OLFM4: variants seen among roughly 807,000 people sequenced by gnomAD.
OLFM4 encodes olfactomedin-4.
A neutral mutation model predicts 25.5 loss-of-function variants in OLFM4; 22 were observed. The observed-to-expected ratio is 0.86, with a 90% CI of 0.62 to 1.23. OLFM4 has a LOEUF of 1.23. OLFM4 is among the 50% of genes most tolerant of loss of function. OLFM4 has a pLI of 0.00. For missense variants in OLFM4, 594 were observed against 619.4 expected (o/e 0.96, Z 0.44); for synonymous variants, 255 against 237.7 (o/e 1.07, Z -0.67).
intron 4 of OLFM4, among the ~76,000 whole-genome samples, chr13:53,047,101 A>T (rs1236338863): frequency 2.0e-5 from 3 of 152,252 alleles, no homozygotes; most frequent in African/African-American, 7.2e-5. Flanking sequence ...TCCACCAGAA[A>T]ATGCAAAATG....
At chr13:53,041,442 A>G (rs943894812) in intron 2 of OLFM4, among the ~76,000 whole-genome samples, 1 of 152,178 alleles carries the variant, frequency 6.6e-6, no homozygotes, top group African/African-American at 2.4e-5. Flanking sequence ...ATGGACACAA[A>G]GAGGAGAACA....
chr13:53,034,281 GTCAC>G (rs1954645424), intron 1 of OLFM4, 63 bp from the exon 2 acceptor site: 20 of 1,543,464 alleles, frequency 1.3e-5, no homozygotes, highest in Non-Finnish European at 1.7e-5. Context: ...GCCAATTTCT[GTCAC>G]TCCAGTTGCC....
rs577080718 is a variant in OLFM4 at position 53,042,005 on chromosome 13, C to A, written c.453C>A (p.Tyr151Ter). The A allele has an allele frequency of 3.1e-6, 5 of 1,613,726 alleles. No individual in the cohort carries two copies. Among genetic ancestry groups the A allele is most frequent in the Non-Finnish European group, 4.2e-6 (5 of 1,179,828 alleles). The change falls in exon 3 of 5, where the codon TAC (tyrosine) becomes TAA (stop). Residue 151 changes from tyrosine to a stop codon, truncating the protein, a stop_gained. Coordinates refer to ENST00000219022, the MANE Select transcript of OLFM4 (RefSeq NM_006418.5). LOFTEE classifies it high-confidence loss of function. ...TCATGGAGAAGGATACCATTTCTTA[C>A]ACTGAACTGGACTTCGAGCTGATCA... Reference protein sequence around the residue: ...IDIMEKDTISYTELDFELIKV... With the variant: ...IDIMEKDTIS
Position 53,050,940 on chromosome 13 carries a change from T to C in OLFM4, c.*169T>C. The C allele has an allele frequency of 1.6e-6, 1 of 610,356 alleles. No homozygotes were observed. The highest frequency in any genetic ancestry group is 2.7e-6 in the Non-Finnish European group (1 of 365,594). The allele number at this position is 610,356 out of a possible 1,614,324, so 37.8% of individuals were successfully genotyped here. ...AGGACATTTGTCTTGATTTGGTGAG[T>C]TCTCTTGGGAATCATCTGCCTCTTC... is the stretch of plus-strand genomic sequence containing the variant. On this transcript the variant is annotated 3_prime_UTR_variant, in exon 5 of 5. Transcript: ENST00000219022.
chr13:53,041,610 C>T (rs139059955), intron 2 of OLFM4, among the ~76,000 whole-genome samples: 1,915 of 152,200 alleles, frequency 0.013, 26 homozygotes, highest in Non-Finnish European at 0.015. Flanking sequence ...GGTATATACC[C>T]CTGAGCCTAA....
At position 53,050,142 on chromosome 13, in the gene OLFM4, T is replaced by A; in HGVS notation, c.904T>A (p.Tyr302Asn). The change falls in exon 5 of 5, where the codon TAT (tyrosine) becomes AAT (asparagine). Residue 302 changes from tyrosine to asparagine, a missense_variant. By Grantham distance (143) the Tyr-to-Asn change is moderately radical. Coordinates refer to ENST00000219022, the MANE Select transcript of OLFM4 (RefSeq NM_006418.5). ...PLNTDGRLLE[Y>N]YRLYNTLDDL... is the part of the protein sequence containing the mutation. Reference sequence around the variant, plus strand: ...GAATACAGATGGGAGACTGTTGGAGTATTATAGACTGTACAACACACTGGA... The same window carrying A: ...GAATACAGATGGGAGACTGTTGGAGAATTATAGACTGTACAACACACTGGA... The A allele has an allele frequency of 1.2e-6, 2 of 1,613,840 alleles. No individual in the cohort carries two copies. Among genetic ancestry groups the A allele is most frequent in the South Asian group, 1.1e-5 (1 of 91,066 alleles).
intron 4 of OLFM4, among the ~76,000 whole-genome samples, chr13:53,044,847 A>C (rs1485739872): frequency 6.6e-6 from 1 of 152,304 alleles, no homozygotes; most frequent in South Asian, 2.1e-4. Flanking sequence ...GGCTGAAGCA[A>C]TGACAACTCC....
chr13:53,029,427 T>C (rs1409077545), intron 1 of OLFM4, among the ~76,000 whole-genome samples: 2 of 152,184 alleles, frequency 1.3e-5, no homozygotes, highest in African/African-American at 4.8e-5. Flanking sequence ...GATTCTAATA[T>C]ATAGTCCAAG....
Position 53,050,864 on chromosome 13 carries a change from G to A in OLFM4, c.*93G>A. ...TATCTGCAGGGGTGTCTAAAAGTGTGTTCATTTTGCAGCAATGTTTAGGTG... is the reference window on the plus strand; with the variant it reads ...TATCTGCAGGGGTGTCTAAAAGTGTATTCATTTTGCAGCAATGTTTAGGTG... On this transcript the variant is annotated 3_prime_UTR_variant, in exon 5 of 5. Transcript: ENST00000219022. 8.9e-7 allele frequency: 1 copy of A among 1,118,356 alleles called. No homozygotes were observed. The highest frequency in any genetic ancestry group is 1.3e-6 in the Non-Finnish European group (1 of 792,846). The allele number at this position is 1,118,356 out of a possible 1,614,324, so 69.3% of individuals were successfully genotyped here. A position where few individuals can be genotyped will look rare whatever the true frequency, so the allele number is the denominator to read the frequency against.
chr13:53,040,040 A>G (rs749732050), intron 2 of OLFM4, among the ~76,000 whole-genome samples: 2 of 152,238 alleles, frequency 1.3e-5, no homozygotes, highest in Non-Finnish European at 2.9e-5. Context: ...ACTGTGGATC[A>G]GCTACTTGAT....
At position 53,051,322 on chromosome 13, in the gene OLFM4, A is replaced by G. The variant is rs1206509569; in HGVS notation, c.*551A>G. 1 of 152,330 alleles carries G rather than the reference A, an allele frequency of 6.6e-6. No homozygotes were observed. Among genetic ancestry groups the G allele is most frequent in the Non-Finnish European group, 1.5e-5 (1 of 68,190 alleles). 9.4% of individuals were successfully genotyped at this position (152,330 alleles called of 1,614,324 possible). A position where few individuals can be genotyped will look rare whatever the true frequency, so the allele number is the denominator to read the frequency against. On this transcript the variant is annotated 3_prime_UTR_variant, in exon 5 of 5. Transcript: ENST00000219022. ...GCAGATAAGTAAATTTGGCATGCTT[A>G]TATATTCTACATCTGTAAAGTGCTG...
At chr13:53,033,549 T>C (rs1033841748) in intron 1 of OLFM4, among the ~76,000 whole-genome samples, 1 of 152,188 alleles carries the variant, frequency 6.6e-6, no homozygotes, top group Non-Finnish European at 1.5e-5. Flanking sequence ...ATGTGACATT[T>C]TCAGATCACC....
At chr13:53,045,197 C>T (rs955689360) in intron 4 of OLFM4, among the ~76,000 whole-genome samples, 1 of 152,152 alleles carries the variant, frequency 6.6e-6, no homozygotes, top group Admixed American at 6.5e-5. Context: ...GGGAAGAAAA[C>T]AAGTGAGCCT....
At chr13:53,035,320 A>T (rs1326769237) in intron 2 of OLFM4, among the ~76,000 whole-genome samples, 8 of 149,406 alleles carry the variant, frequency 5.4e-5, no homozygotes, top group East Asian at 2.0e-4. Context: ...TTTTAATCTT[A>T]TTTTTTTTTG....
intron 4 of OLFM4, among the ~76,000 whole-genome samples, chr13:53,045,306 A>T (rs989342247): frequency 4.6e-5 from 7 of 152,010 alleles, no homozygotes; most frequent in African/African-American, 1.7e-4. Flanking sequence ...TGTGTTGTTT[A>T]AGCAAATTGG....
At chr13:53,030,342 AC>A (rs1357847023) in intron 1 of OLFM4, among the ~76,000 whole-genome samples, 5 of 152,080 alleles carry the variant, frequency 3.3e-5, no homozygotes, top group African/African-American at 4.8e-5. Context: ...TCATTCTGTC[AC>A]CCAGGCTGGA....
In OLFM4 at chr13:53,050,875, A is replaced by ACCTAAACATT; in HGVS notation, c.*104_*105insCCTAAACATT. On this transcript the variant is annotated 3_prime_UTR_variant, in exon 5 of 5. Coordinates refer to ENST00000219022, the MANE Select transcript of OLFM4 (RefSeq NM_006418.5). ...GTGTCTAAAAGTGTGTTCATTTTGC[A>ACCTAAACATT]GCAATGTTTAGGTGCATAGTTCTAC... 1 of 977,736 alleles carries ACCTAAACATT rather than the reference A, an allele frequency of 1.0e-6. No individual in the cohort carries two copies. Among genetic ancestry groups the ACCTAAACATT allele is most frequent in the Non-Finnish European group, 1.5e-6 (1 of 670,104 alleles). The allele number at this position is 977,736 out of a possible 1,614,324, so 60.6% of individuals were successfully genotyped here.
chr13:53,034,776 C>A (rs146452968), intron 2 of OLFM4, among the ~76,000 whole-genome samples: 1,667 of 152,312 alleles, frequency 0.011, 17 homozygotes, highest in East Asian at 0.022. Flanking sequence ...AAGCCTTGAG[C>A]TCTCCTTGCA....
At chr13:53,038,455 G>T (rs188398668) in intron 2 of OLFM4, among the ~76,000 whole-genome samples, 1 of 152,290 alleles carries the variant, frequency 6.6e-6, no homozygotes, top group Admixed American at 6.5e-5. Context: ...CTATTGCCAG[G>T]CTACAAACCT....
Sources: gnomAD v4.1 joint callset for allele counts (sites outside exome capture counted in the v4.1 genomes callset) on GRCh38, gnomAD v4.1.1 for gene constraint, MANE v1.5 for transcripts, NCBI Gene and HGNC (gene_info 2026-07-23, HGNC 2026-07-21) for gene names.